SAMD13: variants seen among roughly 807,000 people sequenced by gnomAD.
SAMD13 encodes the protein sterile alpha motif domain-containing protein 13.
Under a neutral mutation model 12.4 loss-of-function variants are expected in SAMD13, and 9 were observed. That is an observed-to-expected ratio of 0.72 (90% CI 0.44 to 1.26). The LOEUF (loss-of-function observed/expected upper bound fraction) is 1.26. Among genes scored for constraint, SAMD13 ranks in the 50% most tolerant of loss-of-function variants. The pLI is 0.00. For missense variants in SAMD13, 84 were observed against 119.6 expected (o/e 0.70, Z 1.39); for synonymous variants, 46 against 45.4 (o/e 1.01, Z -0.05).
intron 3 of SAMD13, among the ~76,000 whole-genome samples, chr1:84,334,452 T>C (rs1472074606): frequency 6.6e-6 from 1 of 152,156 alleles, no homozygotes; most frequent in Non-Finnish European, 1.5e-5. Flanking sequence ...ATTCCTTTCT[T>C]CTTTATTAGT....
rs569518847 is a variant in SAMD13, at chr1:84,308,402, C to T, written c.53+5115C>T. On this transcript the variant is annotated intron_variant, in intron 2 of 3. Coordinates refer to ENST00000394834, the MANE Select transcript of SAMD13 (RefSeq NM_001134663.2). Reference sequence around the variant, plus strand: ...GGATGTTTCTCAGCATCCCCACCTTCTACCAATGATATGCCAGCATTACCC... The same window carrying T: ...GGATGTTTCTCAGCATCCCCACCTTTTACCAATGATATGCCAGCATTACCC... 1.1e-4 allele frequency among the ~76,000 whole-genome samples: 17 copies of T among 152,244 alleles called. 1 individual carries two copies. The South Asian group carries it at 3.1e-3, about 28-fold the overall frequency.
chr1:84,313,841 A>G (rs2101795378), intron 2 of SAMD13, among the ~76,000 whole-genome samples: 1 of 152,286 alleles, frequency 6.6e-6, no homozygotes. Context: ...AAATTTTGGA[A>G]CTAACATTCC....
intron 2 of SAMD13, among the ~76,000 whole-genome samples, chr1:84,313,213 C>T (rs1001346538): frequency 1.3e-5 from 2 of 152,034 alleles, no homozygotes; most frequent in Admixed American, 6.6e-5. Flanking sequence ...TATATGGGAG[C>T]ATACACAAAA....
chr1:84,299,517 T>C, upstream of SAMD13: 1 of 1,104,432 alleles, frequency 9.1e-7, no homozygotes. Context: ...CCCACATACG[T>C]ACCACACCCA....
At chr1:84,314,590 G>T (rs908506329) in intron 2 of SAMD13, among the ~76,000 whole-genome samples, 1 of 152,088 alleles carries the variant, frequency 6.6e-6, no homozygotes, top group Non-Finnish European at 1.5e-5. Flanking sequence ...TGTCCCCACA[G>T]CCTCACTGCC....
intron 2 of SAMD13, among the ~76,000 whole-genome samples, chr1:84,321,192 GGTATAATCATTTCCTAGT>G (rs1678935788): frequency 6.6e-6 from 1 of 151,682 alleles, no homozygotes; most frequent in Non-Finnish European, 1.5e-5. Flanking sequence ...GTTTAATTAG[GGTATAATCATTTCCTAGT>G]GTGAATTATT....
chr1:84,304,905 T>G (rs976544360), intron 2 of SAMD13, among the ~76,000 whole-genome samples: 3 of 152,174 alleles, frequency 2.0e-5, no homozygotes, highest in Non-Finnish European at 2.9e-5. Flanking sequence ...AACAATTTGT[T>G]TACTACCATC....
chr1:84,345,434 G>A (rs1679515038), intron 3 of SAMD13, among the ~76,000 whole-genome samples: 1 of 152,170 alleles, frequency 6.6e-6, no homozygotes, highest in African/African-American at 2.4e-5. Context: ...GGAGGGGAAT[G>A]TGCCAGATGT....
intron 2 of SAMD13, among the ~76,000 whole-genome samples, chr1:84,315,488 C>T (rs1678813933): frequency 6.6e-6 from 1 of 152,112 alleles, no homozygotes; most frequent in Non-Finnish European, 1.5e-5. Flanking sequence ...CGGTGGGTCT[C>T]CCTATGTTGC....
At chr1:84,303,072 T>C (rs558354557) in intron 1 of SAMD13, 131 bp from the exon 2 acceptor site, 3 of 657,998 alleles carry the variant, frequency 4.6e-6, no homozygotes, top group East Asian at 6.0e-5. Context: ...CCGAGGGAAC[T>C]GGAGATTTAA....
Position 84,323,477 on chromosome 1 carries a change from A to G in SAMD13, c.54-2160A>G, listed in dbSNP as rs375764930. On this transcript the variant is annotated intron_variant, in intron 2 of 3. Transcript: ENST00000394834. ...GGCATGCAGTGGTTATAGATTCACC[A>G]TCTTTAAGCCCAAAAGAGAAGACAT... Among the ~76,000 whole-genome samples the G allele has an allele frequency of 6.6e-5, 10 of 152,278 alleles. No individual in the cohort carries two copies. In the East Asian group the frequency reaches 1.2e-3, roughly 18 times the overall value.
At chr1:84,314,207 A>G (rs527465247) in intron 2 of SAMD13, among the ~76,000 whole-genome samples, 1 of 152,304 alleles carries the variant, frequency 6.6e-6, no homozygotes, top group South Asian at 2.1e-4. Context: ...CTCATTAAAA[A>G]AAGTCCAACC....
chr1:84,298,579 G>A (rs375383889), upstream of SAMD13: 3 of 1,285,114 alleles, frequency 2.3e-6, no homozygotes, highest in Admixed American at 3.4e-5. Context: ...TAAGTGATCT[G>A]CCTGTGCGCC....
At chr1:84,343,777 G>C (rs1679476168) in intron 3 of SAMD13, among the ~76,000 whole-genome samples, 1 of 152,074 alleles carries the variant, frequency 6.6e-6, no homozygotes, top group South Asian at 2.1e-4. Context: ...TAGGTGATAG[G>C]TTGATAGTGC....
At chr1:84,314,146 AAAGAG>A (rs1356215536) in intron 2 of SAMD13, among the ~76,000 whole-genome samples, 14 of 152,272 alleles carry the variant, frequency 9.2e-5, no homozygotes, top group African/African-American at 3.4e-4. Flanking sequence ...ACATTGTAGA[AAAGAG>A]AACTTTTCAT....
chr1:84,298,812 G>A (rs1327428725), upstream of SAMD13, among the ~76,000 whole-genome samples: 1 of 152,088 alleles, frequency 6.6e-6, no homozygotes, highest in Admixed American at 6.5e-5. Flanking sequence ...GGGGCTGCTG[G>A]CAGTGCTCGG....
intron 3 of SAMD13, among the ~76,000 whole-genome samples, chr1:84,331,355 A>C (rs1239661826): frequency 3.1e-4 from 1 of 3,266 alleles, no homozygotes; most frequent in African/African-American, 3.9e-4. Flanking sequence ...AAAAAAAAAA[A>C]AAATTATGGA....
intron 3 of SAMD13, among the ~76,000 whole-genome samples, chr1:84,333,484 T>C (rs894088008): frequency 1.3e-5 from 2 of 152,088 alleles, no homozygotes; most frequent in African/African-American, 4.8e-5. Context: ...GTGAATGGGA[T>C]TGCATTCCTG....
At chr1:84,321,141 G>A (rs1678934394) in intron 2 of SAMD13, among the ~76,000 whole-genome samples, 3 of 152,106 alleles carry the variant, frequency 2.0e-5, no homozygotes, top group South Asian at 2.1e-4. Flanking sequence ...TTCTGTCCCC[G>A]TGGTTGTGTC....
Sources: gnomAD v4.1 joint callset for allele counts (sites outside exome capture counted in the v4.1 genomes callset) on GRCh38, gnomAD v4.1.1 for gene constraint, MANE v1.5 for transcripts, NCBI Gene and HGNC (gene_info 2026-07-23, HGNC 2026-07-21) for gene names.